Variants in PEAK1 observed in about 807,000 individuals in gnomAD.
PEAK1 encodes the protein pseudopodium enriched atypical kinase 1, also known as inactive tyrosine-protein kinase PEAK1.
In PEAK1, 54 loss-of-function variants were observed where a neutral mutation model predicts 124.7. The observed-to-expected ratio is 0.43, with a 90% CI of 0.35 to 0.54. The LOEUF is 0.54. Among genes scored for constraint, PEAK1 ranks in the 20% least tolerant of loss-of-function variants. The probability of loss-of-function intolerance (pLI) is 0.01; values close to 1 mark genes in which losing one functional copy is unlikely to be tolerated. For missense variants in PEAK1, 2,046 were observed against 2,134.5 expected (o/e 0.96, Z 0.82); for synonymous variants, 719 against 760.0 (o/e 0.95, Z 0.89).
intron 6 of PEAK1, among the ~76,000 whole-genome samples, chr15:77,198,312 TTATCA>T (rs2058205442): frequency 6.6e-6 from 1 of 152,334 alleles, no homozygotes; most frequent in Admixed American, 6.5e-5. Flanking sequence ...TCTTGTGTAT[TTATCA>T]TATCATGTTT....
intron 8 of PEAK1, among the ~76,000 whole-genome samples, chr15:77,140,484 G>GA (rs1484457135): frequency 6.6e-6 from 1 of 151,998 alleles, no homozygotes; most frequent in Non-Finnish European, 1.5e-5. Context: ...AATAAAGGGG[G>GA]AAAAAAGCTC....
At chr15:77,371,661 G>A (rs929273956) in intron 1 of PEAK1, among the ~76,000 whole-genome samples, 1 of 152,216 alleles carries the variant, frequency 6.6e-6, no homozygotes, top group African/African-American at 2.4e-5. Flanking sequence ...GCCAAGGCGG[G>A]AGGATCACTC....
At chr15:77,298,665 A>G (rs62008452) in intron 2 of PEAK1, among the ~76,000 whole-genome samples, 99,666 of 152,006 alleles carry the variant, frequency 0.66, 33,640 homozygotes, top group Non-Finnish European at 0.75. Flanking sequence ...CAGAGTCCAC[A>G]GGCCTTGAGA....
intron 1 of PEAK1, among the ~76,000 whole-genome samples, chr15:77,407,952 CACACATATAT>C (rs1204821615): frequency 3.9e-4 from 35 of 89,662 alleles, no homozygotes; most frequent in East Asian, 1.5e-3. Context: ...TACACATATA[CACACATATAT>C]ACACATATAT....
chr15:77,345,654 T>C (rs1276507600), intron 2 of PEAK1, among the ~76,000 whole-genome samples: 1 of 152,238 alleles, frequency 6.6e-6, no homozygotes, highest in Non-Finnish European at 1.5e-5. Context: ...ATACTGTTTA[T>C]ATAACACCCA....
rs1567078450 is a variant in PEAK1, at chr15:77,180,636, G to A, written c.1291C>T (p.Gln431Ter). ...LEEKDGKIAVQTEKEESKAST... is the reference protein window; with the variant it reads ...LEEKDGKIAV Reference sequence around the variant, plus strand: ...GCTTTACTTTCTTCCTTCTCAGTTTGTACAGCAATCTTGCCATCTTTCTCT... The same window carrying A: ...GCTTTACTTTCTTCCTTCTCAGTTTATACAGCAATCTTGCCATCTTTCTCT... The change falls in exon 7 of 10, where the codon CAA becomes TAA. Residue 431 changes from glutamine (Q) to a stop codon, truncating the protein, a stop_gained. Coordinates refer to ENST00000682557, the MANE Select transcript of PEAK1 (RefSeq NM_001385026.1). LOFTEE classifies it high-confidence loss of function. 6.2e-7 allele frequency: 1 copy of A among 1,614,156 alleles called. No homozygotes were observed. Among genetic ancestry groups the A allele is most frequent in the South Asian group, 1.1e-5 (1 of 91,090 alleles).
chr15:77,379,652 C>G (rs565246017), intron 1 of PEAK1, among the ~76,000 whole-genome samples: 14 of 152,126 alleles, frequency 9.2e-5, no homozygotes, highest in Non-Finnish European at 1.8e-4. Flanking sequence ...AAGGGCCCAT[C>G]CAACATAGAA....
chr15:77,132,132 G>T (rs1037828813), intron 9 of PEAK1, among the ~76,000 whole-genome samples: 1 of 152,002 alleles, frequency 6.6e-6, no homozygotes, highest in Admixed American at 6.6e-5. Flanking sequence ...CCAGGCTGGA[G>T]TGCAGTGACC....
chr15:77,393,713 A>G (rs1158433411), intron 1 of PEAK1, among the ~76,000 whole-genome samples: 1 of 152,154 alleles, frequency 6.6e-6, no homozygotes, highest in Non-Finnish European at 1.5e-5. Context: ...TGTGGTAGCT[A>G]CAAGGAGAGA....
chr15:77,209,757 G>A (rs2058820901), intron 6 of PEAK1, among the ~76,000 whole-genome samples: 2 of 152,100 alleles, frequency 1.3e-5, no homozygotes, highest in African/African-American at 4.8e-5. Context: ...CCACAAAGAT[G>A]TCCAAATCCC....
At chr15:77,229,264 A>G (rs2059804390) in intron 6 of PEAK1, among the ~76,000 whole-genome samples, 1 of 152,204 alleles carries the variant, frequency 6.6e-6, no homozygotes, top group African/African-American at 2.4e-5. Flanking sequence ...ACCTTTCACA[A>G]TGTGGCTAGT....
intron 2 of PEAK1, chr15:77,335,879 C>A (rs1182020868): frequency 1.0e-6 from 1 of 985,238 alleles, no homozygotes; most frequent in Non-Finnish European, 1.2e-6. Context: ...AACATGCCAT[C>A]CTTCCCACCC....
In PEAK1 at chr15:77,214,517, G is replaced by A. The variant is rs373592009; in HGVS notation, c.-114-32477C>T. Among the ~76,000 whole-genome samples, 128 of 151,478 alleles carry A rather than the reference G, an allele frequency of 8.5e-4. 4 individuals carry two copies. In the East Asian group the frequency reaches 0.017, roughly 20 times the overall value. ...CGGGCGCCTGTAGTCCCAGCTACTC[G>A]GGAGGCTGAGGCAGGAGAATGGCGT... On this transcript the variant is annotated intron_variant, in intron 6 of 9. Transcript: ENST00000682557.
chr15:77,164,650 C>T (rs960572254), intron 7 of PEAK1, among the ~76,000 whole-genome samples: 1 of 152,180 alleles, frequency 6.6e-6, no homozygotes, highest in African/African-American at 2.4e-5. Context: ...GTCAGAATGG[C>T]ATCTGTGCAA....
intron 1 of PEAK1, among the ~76,000 whole-genome samples, 158 bp downstream of exon 1, chr15:77,419,848 G>GGCGGCGCCACCCAGAACCC (rs1310616200): frequency 1.3e-5 from 2 of 148,526 alleles, no homozygotes; most frequent in Non-Finnish European, 3.0e-5. Flanking sequence ...GAGCCCCGGC[G>GGCGGCGCCACCCAGAACCC]GCGGCGCCAC....
chr15:77,399,572 C>G (rs572539246), intron 1 of PEAK1, among the ~76,000 whole-genome samples: 1 of 152,094 alleles, frequency 6.6e-6, no homozygotes, highest in Non-Finnish European at 1.5e-5. Context: ...TTAGGACAGT[C>G]TCTTCAGTAA....
At chr15:77,418,532 G>C (rs1358116754) in intron 1 of PEAK1, 2 of 984,906 alleles carry the variant, frequency 2.0e-6, no homozygotes, top group Non-Finnish European at 2.4e-6. Context: ...TCTGGGCTGA[G>C]GCTATAACCC....
intron 2 of PEAK1, among the ~76,000 whole-genome samples, chr15:77,324,274 TC>T (rs1236683383): frequency 6.6e-6 from 1 of 152,112 alleles, no homozygotes; most frequent in African/African-American, 2.4e-5. Context: ...GGCCAGGAGT[TC>T]CGAGACCAGC....
At chr15:77,203,710 CAAAA>C (rs34002668) in intron 6 of PEAK1, among the ~76,000 whole-genome samples, 1 of 124,280 alleles carries the variant, frequency 8.0e-6, no homozygotes. Flanking sequence ...ACTGGACATC[CAAAA>C]AAAAAAAAAA....
Sources: allele counts gnomAD v4.1 joint callset (sites outside exome capture counted in the v4.1 genomes callset), GRCh38; gene constraint gnomAD v4.1.1; transcripts MANE v1.5; gene names NCBI Gene and HGNC (gene_info 2026-07-23, HGNC 2026-07-21).